LMF1: variants seen among roughly 807,000 people sequenced by gnomAD.
The protein encoded by LMF1 is transmembrane protein 112.
A neutral mutation model predicts 60.6 loss-of-function variants in LMF1; 68 were observed. The ratio of observed to expected loss-of-function variants is 1.12; its 90% confidence interval spans 0.92 to 1.37. The LOEUF is 1.37. LMF1 is among the 40% of genes most tolerant of loss of function. The probability of loss-of-function intolerance (pLI) is 0.00; values close to 1 mark genes in which losing one functional copy is unlikely to be tolerated. For synonymous variants in LMF1, 418 were observed against 324.7 expected, an observed-to-expected ratio of 1.29 and a Z score of -3.09; for missense variants, 948 against 767.2, an observed-to-expected ratio of 1.24 and a Z score of -2.78.
At chr16:877,507 A>G (rs1225825560) in intron 6 of LMF1, among the ~76,000 whole-genome samples, 1 of 152,222 alleles carries the variant, frequency 6.6e-6, no homozygotes, top group African/African-American at 2.4e-5. Flanking sequence ...TTGCTTCAGC[A>G]TCCACAGCAT....
intron 10 of LMF1, among the ~76,000 whole-genome samples, chr16:857,776 C>A (rs369622815): frequency 0.029 from 68 of 2,360 alleles, 2 homozygotes; most frequent in South Asian, 0.048. Context: ...GACGGGTGTG[C>A]GTGGTGTCTC....
rs1023409582 is a variant in LMF1, at chr16:962,880, G to A, written c.193+7908C>T. Among the ~76,000 whole-genome samples the A allele has an allele frequency of 1.3e-5, 2 of 152,206 alleles. No homozygotes were observed. The highest frequency in any genetic ancestry group is 4.8e-5 in the African/African-American group (2 of 41,450). ...AAGACTCTGCACCACTCAGTGCCCGGCATGAAGCGCTGTGAGCAGCCTCCC... is the reference window on the plus strand; with the variant it reads ...AAGACTCTGCACCACTCAGTGCCCGACATGAAGCGCTGTGAGCAGCCTCCC... On this transcript the variant is annotated intron_variant, in intron 1 of 10. Coordinates refer to ENST00000262301, the MANE Select transcript of LMF1 (RefSeq NM_022773.4). This position sits in a 1 kb window ranked among gnomAD's most constrained non-coding sequence, Gnocchi z 4.5.
At chr16:893,171 G>A (rs1005766361) in intron 4 of LMF1, 99 bp from the exon 5 acceptor site, 1 of 1,036,976 alleles carries the variant, frequency 9.6e-7, no homozygotes, top group African/African-American at 1.6e-5. Context: ...ATCCACGAAG[G>A]CCGTGGATCT....
Position 854,349 on chromosome 16 carries a change from C to T in LMF1, c.*183G>A, listed in dbSNP as rs1226974909. The T allele has an allele frequency of 5.3e-6, 4 of 752,460 alleles. No individual in the cohort carries two copies. The East Asian group carries it at 1.1e-4, about 20-fold the overall frequency. The allele number at this position is 752,460 out of a possible 1,614,324, so 46.6% of individuals were successfully genotyped here. A position where few individuals can be genotyped will look rare whatever the true frequency, so the allele number is the denominator to read the frequency against. On this transcript the variant is annotated 3_prime_UTR_variant, in exon 11 of 11. Coordinates refer to ENST00000262301, the MANE Select transcript of LMF1 (RefSeq NM_022773.4). ...ATGTGGGGCCCCAGGTGGGCAGGGC[C>T]TGGGAGCCGCCACAGTATGTGACAA...
intron 4 of LMF1, among the ~76,000 whole-genome samples, chr16:895,056 G>A (rs534897226): frequency 1.6e-4 from 24 of 152,286 alleles, no homozygotes; most frequent in East Asian, 3.9e-4. Flanking sequence ...AGGAGGCCGC[G>A]GGGGGAGGCC....
At position 970,861 on chromosome 16, in the gene LMF1, A is replaced by C; in HGVS notation, c.120T>G (p.Ser40=). The part of the protein sequence containing the change: ...PPAPGRGPAG[S]PAHLHTGTFW... Reference sequence around the variant, plus strand: ...AGGTGCCCGTGTGGAGATGGGCCGGAGAGCCTGCGGGGCCACGCCCCGGCG... The same window carrying C: ...AGGTGCCCGTGTGGAGATGGGCCGGCGAGCCTGCGGGGCCACGCCCCGGCG... Residue 40 remains serine (S), a synonymous_variant, in exon 1 of 11, where the codon TCT becomes TCG. Coordinates refer to ENST00000262301, the MANE Select transcript of LMF1 (RefSeq NM_022773.4). 6.4e-7 allele frequency: 1 copy of C among 1,562,568 alleles called. No homozygotes were observed. Among genetic ancestry groups the C allele is most frequent in the Non-Finnish European group, 8.7e-7 (1 of 1,155,716 alleles).
In LMF1 at chr16:904,931, C is replaced by T. The variant is rs34003180; in HGVS notation, c.663+6000G>A. On this transcript the variant is annotated intron_variant, in intron 4 of 10. Coordinates refer to ENST00000262301, the MANE Select transcript of LMF1 (RefSeq NM_022773.4). ...GCCCACAGGACGCCTGTCTCTGCTG[C>T]GTGGGGTGACCTCTGCATCGCCCAC... The T allele has an allele frequency of 6.5e-3, 334 of 51,500 alleles. 2 individuals carry two copies. The highest frequency in any genetic ancestry group is 0.017 in the Middle Eastern group (1 of 60). 3.2% of individuals were successfully genotyped at this position (51,500 alleles called of 1,614,324 possible). A position where few individuals can be genotyped will look rare whatever the true frequency, so the allele number is the denominator to read the frequency against.
At position 870,052 on chromosome 16, in the gene LMF1, C is replaced by A. The variant is rs762640109; in HGVS notation, c.1247G>T (p.Arg416Leu). The A allele has an allele frequency of 6.2e-7, 1 of 1,609,740 alleles. No homozygotes were observed. Among genetic ancestry groups the A allele is most frequent in the East Asian group, 2.2e-5 (1 of 44,866 alleles). The change falls in exon 9 of 11, where the codon CGG (arginine) becomes CTG (leucine). Residue 416 changes from arginine (R) to leucine (L), a missense_variant. Physicochemically the swap from Arg to Leu is moderately radical, Grantham distance 102 (BLOSUM62 -2). Coordinates refer to ENST00000262301, the MANE Select transcript of LMF1 (RefSeq NM_022773.4). ...TGTGCCCTGCAGGATCACCTCCGCCCGCTCCTTGGTGATGCTGCCGGGAGA... is the reference window on the plus strand; with the variant it reads ...TGTGCCCTGCAGGATCACCTCCGCCAGCTCCTTGGTGATGCTGCCGGGAGA... ...YGAFGSITKE[R>L]AEVILQGTAS...
intron 5 of LMF1, among the ~76,000 whole-genome samples, chr16:888,360 C>T (rs1044228232): frequency 2.6e-5 from 4 of 152,236 alleles, no homozygotes; most frequent in Admixed American, 6.5e-5. Context: ...ATGTTCAACT[C>T]CCCTAAAAAG....
intron 3 of LMF1, among the ~76,000 whole-genome samples, chr16:915,845 G>A (rs558625539): frequency 1.3e-5 from 2 of 152,138 alleles, no homozygotes; most frequent in South Asian, 2.1e-4. Flanking sequence ...GTGAGATGCA[G>A]GGGCCGGAGC....
intron 4 of LMF1, among the ~76,000 whole-genome samples, chr16:906,062 C>T (rs1042237772): frequency 2.0e-5 from 3 of 152,148 alleles, no homozygotes; most frequent in East Asian, 1.9e-4. Context: ...TGTGTGGTGA[C>T]GGAGGGGGGT....
At chr16:965,409 C>A (rs1014964454) in intron 1 of LMF1, among the ~76,000 whole-genome samples, 1 of 152,130 alleles carries the variant, frequency 6.6e-6, no homozygotes, top group Non-Finnish European at 1.5e-5. Context: ...GGCTGAAGAG[C>A]TCACCAAGGC....
chr16:880,011 A>T (rs1257028845), intron 5 of LMF1, among the ~76,000 whole-genome samples: 1 of 152,160 alleles, frequency 6.6e-6, no homozygotes, highest in Non-Finnish European at 1.5e-5. Context: ...TGAAGGAGAG[A>T]CGACACCTGT....
intron 1 of LMF1, chr16:969,110 A>G (rs559144130): frequency 6.6e-6 from 1 of 152,332 alleles, no homozygotes; most frequent in East Asian, 1.9e-4. Flanking sequence ...CAGAAGTTCG[A>G]GACCAGCCTG....
chr16:897,578 G>A lies in LMF1; in HGVS notation c.664-4506C>T, dbSNP rs975867921. ...AGGGGAGAGCTTTGTCCTGGAGTCA[G>A]GTCACAGCCCAGTGCCCCTGTGAGC... is the stretch of plus-strand genomic sequence containing the variant. On this transcript the variant is annotated intron_variant, in intron 4 of 10. Transcript: ENST00000262301. This position sits in a 1 kb window ranked among gnomAD's most constrained non-coding sequence, Gnocchi z 4.3. 4.6e-5 allele frequency among the ~76,000 whole-genome samples: 7 copies of A among 152,238 alleles called. No individual in the cohort carries two copies. The highest frequency in any genetic ancestry group is 1.7e-4 in the African/African-American group (7 of 41,464).
rs1474612004 is a variant in LMF1, at chr16:955,172, T to C, written c.194-506A>G. ...ATGCGTGCCTGCAGCAGACGCAGTG[T>C]GTGCATACACACACACACATCTAAG... On this transcript the variant is annotated intron_variant, in intron 1 of 10. Coordinates refer to ENST00000262301, the MANE Select transcript of LMF1 (RefSeq NM_022773.4). Among the ~76,000 whole-genome samples the C allele has an allele frequency of 1.5e-5, 2 of 133,284 alleles. 1 individual carries two copies. Among genetic ancestry groups the C allele is most frequent in the Non-Finnish European group, 3.1e-5 (2 of 64,474 alleles). The allele number at this position is 133,284 out of a possible 152,430, so 87.4% of individuals were successfully genotyped here. A position where few individuals can be genotyped will look rare whatever the true frequency, so the allele number is the denominator to read the frequency against.
At chr16:876,720 C>A (rs527372379) in intron 6 of LMF1, among the ~76,000 whole-genome samples, 1 of 149,814 alleles carries the variant, frequency 6.7e-6, no homozygotes, top group Non-Finnish European at 1.5e-5. Context: ...TGGACAGAGG[C>A]GGGCTGGGCG....
chr16:889,993 C>A (rs2070431322), intron 5 of LMF1, among the ~76,000 whole-genome samples: 1 of 152,164 alleles, frequency 6.6e-6, no homozygotes, highest in Non-Finnish European at 1.5e-5. Flanking sequence ...CTCCCGGGGT[C>A]CCCATGTAGC....
chr16:964,173 G>C lies in LMF1; in HGVS notation c.193+6615C>G, dbSNP rs116373744. On this transcript the variant is annotated intron_variant, in intron 1 of 10. Transcript: ENST00000262301. ...TAGCTGGGCGTGGCAGCCTGTGCCC[G>C]TAGCCCCAGCTACTCGGGAGGCTGA... is the stretch of plus-strand genomic sequence containing the variant. 6 of 454,024 alleles carry C rather than the reference G, an allele frequency of 1.3e-5. 1 individual carries two copies. The highest frequency in any genetic ancestry group is 9.3e-5 in the South Asian group (6 of 64,522). 28.1% of individuals were successfully genotyped at this position (454,024 alleles called of 1,614,324 possible).
Sources: gnomAD v4.1 joint callset for allele counts (sites outside exome capture counted in the v4.1 genomes callset) on GRCh38, gnomAD v4.1.1 for gene constraint, Gnocchi (gnomAD v3.1) non-coding constraint, MANE v1.5 for transcripts, NCBI Gene and HGNC (gene_info 2026-07-23, HGNC 2026-07-21) for gene names.